Variants in CROCC2 observed in about 807,000 individuals in gnomAD.
The protein encoded by CROCC2 is ciliary rootlet coiled-coil, rootletin family member 2.
A neutral mutation model predicts 177.6 loss-of-function variants in CROCC2; 163 were observed. The ratio of observed to expected loss-of-function variants is 0.92; its 90% CI spans 0.81 to 1.05. The LOEUF (loss-of-function observed/expected upper bound fraction) is 1.05, where lower values mean the gene tolerates loss of function less well. CROCC2 is among the 50% of genes least tolerant of loss of function. CROCC2 has a pLI of 0.00. For missense variants in CROCC2, 1,929 were observed against 1,797.8 expected (o/e 1.07, Z -1.32); for synonymous variants, 904 against 787.3 (o/e 1.15, Z -2.48).
chr2:240,965,855 G>T lies in CROCC2; in HGVS notation c.3823G>T (p.Glu1275Ter). ...ACHRIHSLEQELAQAEGARQD... is the reference protein window; with the variant it reads ...ACHRIHSLEQ ...TCACCGAATCCACAGCCTGGAGCAG[G>T]AGCTGGCCCAGGCTGAGGGTGCAAG... Residue 1275 changes from glutamate (E) to a stop codon, truncating the protein, a stop_gained, in exon 24 of 32, where the codon GAG becomes TAG. Transcript: ENST00000690015. LOFTEE classifies it high-confidence loss of function. 1 of 1,450,266 alleles carries T rather than the reference G, an allele frequency of 6.9e-7. No individual in the cohort carries two copies. The allele number at this position is 1,450,266 out of a possible 1,614,324, so 89.8% of individuals were successfully genotyped here.
chr2:240,927,481 T>C (rs751754105), intron 5 of CROCC2, among the ~76,000 whole-genome samples: 3 of 152,210 alleles, frequency 2.0e-5, no homozygotes, highest in Non-Finnish European at 4.4e-5. Context: ...CTAGACTATA[T>C]TCTAGATAAT....
chr2:240,990,132 C>A lies in CROCC2; in HGVS notation c.4863+299C>A, dbSNP rs114287133. Among the ~76,000 whole-genome samples, 569 of 152,374 alleles carry A rather than the reference C, an allele frequency of 3.7e-3. 2 individuals carry two copies. Among genetic ancestry groups the A allele is most frequent in the Middle Eastern group, 0.01 (3 of 294 alleles). ...AGTGAGGACAGCTCCTGTCAGGGGT[C>A]ACTGGGCGACTGAGCTGTCATTATG... On this transcript the variant is annotated intron_variant, in intron 30 of 31. Transcript: ENST00000690015.
intron 9 of CROCC2, 82 bp downstream of exon 9, chr2:240,932,990 G>T: frequency 1.4e-6 from 2 of 1,479,150 alleles, no homozygotes; most frequent in East Asian, 7.4e-5. Flanking sequence ...TAGTTATGGG[G>T]CCTGCCCCTG....
rs568799927 is a variant in CROCC2 at position 240,935,550 on chromosome 2, G to A, written c.2131G>A (p.Gly711Arg). 4 of 1,349,490 alleles carry A rather than the reference G, an allele frequency of 3.0e-6. No homozygotes were observed. Among genetic ancestry groups the A allele is most frequent in the South Asian group, 3.7e-5 (2 of 54,496 alleles). 83.6% of individuals were successfully genotyped at this position (1,349,490 alleles called of 1,614,324 possible). The change falls in exon 14 of 32, where the codon GGG (glycine) becomes AGG (arginine). Residue 711 changes from glycine (G) to arginine (R), a missense_variant. By Grantham distance (125) the Gly-to-Arg change is moderately radical. This residue lies in a region of CROCC2 where 1,397 missense variants were observed against 1,239.9 expected (regional missense o/e 1.13). Transcript: ENST00000690015. ...EQLEGQAALL[G>R]REKAQLQEQV... is the part of the protein sequence containing the mutation. ...GCTGGAGGGGCAGGCAGCCCTGCTG[G>A]GGCGAGAGAAGGCCCAGCTCCAGGA... is the stretch of plus-strand genomic sequence containing the variant.
At position 240,930,200 on chromosome 2, in the gene CROCC2, T is replaced by C; in HGVS notation, c.680T>C (p.Leu227Pro). 1.7e-6 allele frequency: 1 copy of C among 586,420 alleles called. No homozygotes were observed. The highest frequency in any genetic ancestry group is 3.1e-6 in the Non-Finnish European group (1 of 320,162). 36.3% of individuals were successfully genotyped at this position (586,420 alleles called of 1,614,324 possible). ...RSGGLGQPRD[L>P]LLLWRQAVVL... ...GGGGGCCTGGGGCAGCCCCGGGACC[T>C]CCTCCTCCTGTGGAGACAGGCCGTG... The change falls in exon 6 of 32, where the codon CTC becomes CCC. Residue 227 changes from leucine to proline, a missense_variant. Physicochemically the swap from Leu to Pro is moderately conservative, Grantham distance 98 (BLOSUM62 -3). Coordinates refer to ENST00000690015, the MANE Select transcript of CROCC2 (RefSeq NM_001351305.2).
intron 27 of CROCC2, among the ~76,000 whole-genome samples, chr2:240,970,743 C>G (rs1353475670): frequency 6.6e-6 from 1 of 152,310 alleles, no homozygotes; most frequent in East Asian, 1.9e-4. Flanking sequence ...TTGAACTTCT[C>G]TTGGTGTCTG....
At chr2:240,942,929 G>A (rs1158849351) in intron 14 of CROCC2, among the ~76,000 whole-genome samples, 3 of 151,958 alleles carry the variant, frequency 2.0e-5, no homozygotes, top group African/African-American at 4.8e-5. Flanking sequence ...ACTGTCAGCT[G>A]CTATTTTTTT....
At chr2:240,963,438 G>A (rs1039483814) in intron 20 of CROCC2, 118 bp from the exon 21 acceptor site, 233 of 1,095,420 alleles carry the variant, frequency 2.1e-4, no homozygotes, top group Non-Finnish European at 1.6e-4. Flanking sequence ...AGCGCATGGG[G>A]ACCAAGTTGG....
intron 2 of CROCC2, among the ~76,000 whole-genome samples, 161 bp from the exon 3 acceptor site, chr2:240,919,822 G>C (rs1375773670): frequency 6.6e-6 from 1 of 152,170 alleles, no homozygotes; most frequent in Non-Finnish European, 1.5e-5. Flanking sequence ...CCCTATGTTA[G>C]GGTCCCGGGC....
At position 240,982,510 on chromosome 2, in the gene CROCC2, C is replaced by T. The variant is rs750607100; in HGVS notation, c.4402-370C>T. 24 of 178,550 alleles carry T rather than the reference C, an allele frequency of 1.3e-4. No homozygotes were observed. Among genetic ancestry groups the T allele is most frequent in the Non-Finnish European group, 2.4e-4 (21 of 86,116 alleles). 11.1% of individuals were successfully genotyped at this position (178,550 alleles called of 1,614,324 possible). ...CTCCAGGAGCCTTGGGGAGGGTCAC[C>T]TCAGGCTTTATCCCAAGGGCAGTAG... On this transcript the variant is annotated intron_variant, in intron 27 of 31. Coordinates refer to ENST00000690015, the MANE Select transcript of CROCC2 (RefSeq NM_001351305.2). The surrounding 1 kb of genome is among the most constrained non-coding windows in gnomAD (Gnocchi z 4.7).
Position 240,953,376 on chromosome 2 carries a change from A to G in CROCC2, c.2830-2483A>G, listed in dbSNP as rs773562270. 6.6e-6 allele frequency among the ~76,000 whole-genome samples: 1 copy of G among 151,804 alleles called. No homozygotes were observed. Among genetic ancestry groups the G allele is most frequent in the Non-Finnish European group, 1.5e-5 (1 of 67,932 alleles). Reference sequence around the variant, plus strand: ...ACTGAGATTGCAGTGAGCGGAGATCACGCCACTGCATTCCAGCCTGGGTGA... The same window carrying G: ...ACTGAGATTGCAGTGAGCGGAGATCGCGCCACTGCATTCCAGCCTGGGTGA... On this transcript the variant is annotated intron_variant, in intron 18 of 31. Coordinates refer to ENST00000690015, the MANE Select transcript of CROCC2 (RefSeq NM_001351305.2). The surrounding 1 kb of genome is among the most constrained non-coding windows in gnomAD (Gnocchi z 4.0).
chr2:240,975,630 C>T (rs1174998725), intron 27 of CROCC2, among the ~76,000 whole-genome samples: 2 of 151,988 alleles, frequency 1.3e-5, no homozygotes, highest in Non-Finnish European at 2.9e-5. Context: ...CAGATATTTC[C>T]CAGCCTTCGC....
At chr2:240,964,216 G>T in intron 21 of CROCC2, 1 of 577,894 alleles carries the variant, frequency 1.7e-6, no homozygotes, top group Non-Finnish European at 3.1e-6. Context: ...GAGAGGGGGA[G>T]ACAGGGAGGG....
Position 240,935,407 on chromosome 2 carries a change from A to G in CROCC2, c.1988A>G (p.Gln663Arg). Reference protein sequence around the residue: ...QLREQRKTLEQERARAGEQLA... With the variant: ...QLREQRKTLERERARAGEQLA... ...CGGGAACAGCGGAAGACTCTGGAGC[A>G]GGAACGGGCCCGGGCCGGGGAGCAG... The change falls in exon 14 of 32, where the codon CAG becomes CGG. Residue 663 changes from glutamine to arginine, a missense_variant. Gln to Arg is a conservative substitution (Grantham distance 43, BLOSUM62 1). This residue lies in a region of CROCC2 where 1,397 missense variants were observed against 1,239.9 expected (regional missense o/e 1.13). Transcript: ENST00000690015. The G allele has an allele frequency of 7.3e-7, 1 of 1,376,732 alleles. No homozygotes were observed. The highest frequency in any genetic ancestry group is 1.8e-5 in the South Asian group (1 of 55,568). The allele number at this position is 1,376,732 out of a possible 1,614,324, so 85.3% of individuals were successfully genotyped here.
intron 18 of CROCC2, among the ~76,000 whole-genome samples, chr2:240,951,224 C>T (rs1037224594): frequency 2.0e-5 from 3 of 151,156 alleles, no homozygotes; most frequent in Admixed American, 1.3e-4. Context: ...TCTGTCCATC[C>T]ATTCACCCAT....
intron 27 of CROCC2, among the ~76,000 whole-genome samples, chr2:240,981,173 A>C (rs1269213447): frequency 1.7e-4 from 25 of 148,686 alleles, no homozygotes; most frequent in African/African-American, 6.3e-4. Flanking sequence ...TCTGGAGCCC[A>C]GGCTCATCCC....
chr2:240,975,769 G>C (rs976119360), intron 27 of CROCC2, among the ~76,000 whole-genome samples: 2 of 116,418 alleles, frequency 1.7e-5, no homozygotes, highest in South Asian at 2.9e-4. Context: ...TGCTCTCGTT[G>C]CCCAGGCTGG....
intron 19 of CROCC2, 38 bp from the exon 20 acceptor site, chr2:240,959,263 G>C: frequency 6.5e-7 from 1 of 1,545,614 alleles, no homozygotes; most frequent in South Asian, 1.2e-5. Context: ...GCTGGGCCCA[G>C]CTCCCTGGTG....
chr2:240,967,380 C>T lies in CROCC2; in HGVS notation c.4182C>T (p.Ser1394=). 1 of 811,144 alleles carries T rather than the reference C, an allele frequency of 1.2e-6. No homozygotes were observed. The highest frequency in any genetic ancestry group is 2.0e-5 in the Admixed American group (1 of 49,904). 50.2% of individuals were successfully genotyped at this position (811,144 alleles called of 1,614,324 possible). ...DSRIQMATLS[S]RLSEAECRCA... ...GCATCCAGATGGCGACCCTGAGCAGCCGGCTGAGCGAGGCAGAGTGCAGGT... is the reference window on the plus strand; with the variant it reads ...GCATCCAGATGGCGACCCTGAGCAGTCGGCTGAGCGAGGCAGAGTGCAGGT... The change falls in exon 26 of 32, where the codon AGC becomes AGT. Residue 1394 remains serine (S), a synonymous_variant. Transcript: ENST00000690015.
Sources: allele counts gnomAD v4.1 joint callset (sites outside exome capture counted in the v4.1 genomes callset), GRCh38; gene constraint gnomAD v4.1.1; regional missense constraint gnomAD v4.1.1; non-coding constraint Gnocchi (gnomAD v3.1); transcripts MANE v1.5; gene names NCBI Gene and HGNC (gene_info 2026-07-23, HGNC 2026-07-21).